TRANK1: variants seen among roughly 807,000 people sequenced by gnomAD.
TRANK1 encodes TPR and ankyrin repeat-containing protein 1.
Under a neutral mutation model 266.0 loss-of-function variants are expected in TRANK1, and 198 were observed. The observed-to-expected ratio is 0.74, with a 90% confidence interval of 0.66 to 0.84. The LOEUF (loss-of-function observed/expected upper bound fraction) is 0.84, where lower values mean the gene tolerates loss of function less well. Ranked by LOEUF, TRANK1 falls within the 40% of genes least tolerant of loss-of-function variation. The pLI is 0.00. For missense variants in TRANK1, 3,326 were observed against 3,634.6 expected, an observed-to-expected ratio of 0.92 and a Z score of 2.18; for synonymous variants, 1,396 against 1,384.1, an observed-to-expected ratio of 1.01 and a Z score of -0.19.
chr3:36,833,465 G>A lies in TRANK1; in HGVS notation c.6118C>T (p.Leu2040=). The A allele has an allele frequency of 1.2e-6, 2 of 1,613,842 alleles. No homozygotes were observed. Among genetic ancestry groups the A allele is most frequent in the Non-Finnish European group, 1.7e-6 (2 of 1,179,810 alleles). The change falls in exon 22 of 24, where the codon CTG becomes TTG. Residue 2040 remains leucine (L), a synonymous_variant. Coordinates refer to ENST00000645898, the MANE Select transcript of TRANK1 (RefSeq NM_001329998.2). ...TCCCTGAGCTTCTGAAAGTCTCTCA[G>A]GATTACCCCTTGCAGGAAGTGGGCC... ...AEAHFLQGVI[L]RDFQKLRDAF...
intron 8 of TRANK1, among the ~76,000 whole-genome samples, chr3:36,876,063 G>A (rs1343442352): frequency 6.6e-6 from 1 of 152,208 alleles, no homozygotes; most frequent in East Asian, 1.9e-4. Flanking sequence ...TTTAAGGGGG[G>A]ATAAGGAAGC....
At chr3:36,904,328 G>A (rs1376769498) in intron 2 of TRANK1, among the ~76,000 whole-genome samples, 3 of 149,340 alleles carry the variant, frequency 2.0e-5, no homozygotes, top group Non-Finnish European at 4.5e-5. Flanking sequence ...AGACCATCCT[G>A]GCCAACATGG....
At position 36,935,629 on chromosome 3, in the gene TRANK1, T is replaced by C. The variant is rs1375399681; in HGVS notation, c.23+9158A>G. On this transcript the variant is annotated intron_variant, in intron 1 of 23. Transcript: ENST00000645898. ...CCACACTCAGCTATTTTTGTATTTT[T>C]AGTAGAGATGTGGCTTCATGTTGGT... 2.0e-5 allele frequency among the ~76,000 whole-genome samples: 3 copies of C among 152,108 alleles called. No individual in the cohort carries two copies. The East Asian group carries it at 5.8e-4, about 29-fold the overall frequency.
chr3:36,833,614 G>A lies in TRANK1; in HGVS notation c.5969C>T (p.Ser1990Leu). The A allele has an allele frequency of 1.9e-6, 3 of 1,613,910 alleles. No individual in the cohort carries two copies. Among genetic ancestry groups the A allele is most frequent in the Non-Finnish European group, 2.5e-6 (3 of 1,179,854 alleles). The change falls in exon 22 of 24, where the codon TCA (serine) becomes TTA (leucine). Residue 1990 changes from serine (S) to leucine (L), a missense_variant. Physicochemically the swap from Ser to Leu is moderately radical, Grantham distance 145. Transcript: ENST00000645898. Reference sequence around the variant, plus strand: ...GAGGCGGGCGGCCCCCAGCAGACATGAGGCCTGGAAGTCCTTGTCGGCAGT... The same window carrying A: ...GAGGCGGGCGGCCCCCAGCAGACATAAGGCCTGGAAGTCCTTGTCGGCAGT... ...RLTADKDFQA[S>L]CLLGAARLNV...
chr3:36,930,387 C>A (rs1263374184), intron 1 of TRANK1, among the ~76,000 whole-genome samples: 1 of 152,158 alleles, frequency 6.6e-6, no homozygotes, highest in Non-Finnish European at 1.5e-5. Flanking sequence ...TCTTTGCAGA[C>A]TTTCCCGGTA....
At chr3:36,843,840 C>G (rs897369567) in intron 17 of TRANK1, among the ~76,000 whole-genome samples, 2 of 152,136 alleles carry the variant, frequency 1.3e-5, no homozygotes, top group African/African-American at 4.8e-5. Context: ...TGCTCGCCCT[C>G]TGCTGGTGCT....
intron 15 of TRANK1, among the ~76,000 whole-genome samples, chr3:36,847,637 A>G (rs1193074614): frequency 6.6e-6 from 1 of 152,208 alleles, no homozygotes; most frequent in East Asian, 1.9e-4. Context: ...AGTTATTCTC[A>G]TTGAAAGAAT....
At chr3:36,840,961 G>A (rs2078835757) in intron 18 of TRANK1, among the ~76,000 whole-genome samples, 1 of 152,206 alleles carries the variant, frequency 6.6e-6, no homozygotes. Flanking sequence ...CCAGATGTAA[G>A]TTATATGCTA....
rs1444199599 is a variant in TRANK1, at chr3:36,858,783, G to A, written c.1607C>T (p.Ala536Val). The stretch of plus-strand genomic sequence containing the variant: ...AGTATCACCTTCCGTGAGAGAAATA[G>A]CACGGGGGTCTGCGCCCTTGGTCAA... ...LLLTKGADPR[A>V]ISLTEGDTPL... is the part of the protein sequence containing the mutation. The change falls in exon 12 of 24, where the codon GCT becomes GTT. Residue 536 changes from alanine to valine, a missense_variant. Transcript: ENST00000645898. 39 of 1,537,092 alleles carry A rather than the reference G, an allele frequency of 2.5e-5. No individual in the cohort carries two copies. Among genetic ancestry groups the A allele is most frequent in the Non-Finnish European group, 3.3e-5 (38 of 1,146,888 alleles).
chr3:36,887,646 C>A (rs6769447), intron 8 of TRANK1, among the ~76,000 whole-genome samples: 3,532 of 152,236 alleles, frequency 0.023, 143 homozygotes, highest in African/African-American at 0.081. Context: ...CCATCGTTAG[C>A]GTTACTGTAT....
chr3:36,859,453 C>T (rs4642070), intron 11 of TRANK1, among the ~76,000 whole-genome samples: 91,809 of 151,694 alleles, frequency 0.61, 28,038 homozygotes, highest in Admixed American at 0.66. Context: ...TGGTGTGTGA[C>T]GTGCCCTCCC....
rs2078710182 is a variant in TRANK1 at position 36,832,485 on chromosome 3, C to T, written c.7098G>A (p.Glu2366=). The T allele has an allele frequency of 1.2e-6, 2 of 1,613,930 alleles. No individual in the cohort carries two copies. The highest frequency in any genetic ancestry group is 8.5e-7 in the Non-Finnish European group (1 of 1,179,898). The change falls in exon 22 of 24, where the codon GAG becomes GAA. Residue 2366 remains glutamate (E), a synonymous_variant. Coordinates refer to ENST00000645898, the MANE Select transcript of TRANK1 (RefSeq NM_001329998.2). The part of the protein sequence containing the change: ...DNYNRELKAL[E]SEKDERGRGR... ...CCCTGCCCCTTTCATCCTTTTCAGA[C>T]TCTAGAGCTTTGAGTTCCCTGTTGT...
intron 13 of TRANK1, 27 bp downstream of exon 13, chr3:36,855,146 G>T (rs759336238): frequency 1.8e-5 from 29 of 1,577,424 alleles, no homozygotes; most frequent in Non-Finnish European, 2.4e-5. Context: ...AGCACCCCCA[G>T]TAGGCAAACC....
At chr3:36,892,065 T>G (rs2079704913) in intron 7 of TRANK1, 137 bp downstream of exon 7, 2 of 1,128,870 alleles carry the variant, frequency 1.8e-6, no homozygotes, top group East Asian at 2.7e-5. Flanking sequence ...CTTCATTCAT[T>G]TGAATAATCA....
intron 10 of TRANK1, among the ~76,000 whole-genome samples, chr3:36,861,632 G>T (rs1575218688): frequency 1.3e-5 from 2 of 151,200 alleles, no homozygotes; most frequent in East Asian, 3.9e-4. Context: ...GTTTCCATCT[G>T]ATCTTTGATG....
chr3:36,830,955 G>A lies in TRANK1; in HGVS notation c.8628C>T (p.His2876=), dbSNP rs2078684544. The change falls in exon 22 of 24, where the codon CAC becomes CAT. Residue 2876 remains histidine (H), a synonymous_variant. Transcript: ENST00000645898. ...HSHVGSKEHS[H]MLQKVQEHIK... is the part of the protein sequence containing the mutation. Reference sequence around the variant, plus strand: ...TGTGCTCCTGGACCTTCTGCAGCATGTGGCTGTGCTCCTTGGAGCCCACGT... The same window carrying A: ...TGTGCTCCTGGACCTTCTGCAGCATATGGCTGTGCTCCTTGGAGCCCACGT... 1.2e-6 allele frequency: 2 copies of A among 1,613,992 alleles called. No homozygotes were observed. The highest frequency in any genetic ancestry group is 1.7e-6 in the Non-Finnish European group (2 of 1,179,888).
chr3:36,856,998 G>A lies in TRANK1; in HGVS notation c.2724C>T (p.Ser908=), dbSNP rs1374081941. The A allele has an allele frequency of 6.2e-7, 1 of 1,613,866 alleles. No homozygotes were observed. Among genetic ancestry groups the A allele is most frequent in the Admixed American group, 1.7e-5 (1 of 60,012 alleles). Residue 908 remains serine, a synonymous_variant, in exon 13 of 24, where the codon TCC becomes TCT. Coordinates refer to ENST00000645898, the MANE Select transcript of TRANK1 (RefSeq NM_001329998.2). ...RMLWELAIDF[S]PRCSENPEKI... is the part of the protein sequence containing the mutation. ...TCTCAGGGTTCTCACTGCATCGAGG[G>A]GAGAAGTCAATGGCGAGCTCCCAGA...
chr3:36,874,060 G>T, intron 9 of TRANK1, 66 bp downstream of exon 9: 2 of 1,404,056 alleles, frequency 1.4e-6, no homozygotes, highest in South Asian at 1.4e-5. Context: ...GAGATAAACT[G>T]ATTTGTATCT....
intron 13 of TRANK1, among the ~76,000 whole-genome samples, chr3:36,853,818 T>C (rs2079015066): frequency 6.6e-6 from 1 of 152,188 alleles, no homozygotes; most frequent in Non-Finnish European, 1.5e-5. Context: ...AATAGGCAGA[T>C]CCGTAGAAAC....
Sources: allele counts gnomAD v4.1 joint callset (sites outside exome capture counted in the v4.1 genomes callset), GRCh38; gene constraint gnomAD v4.1.1; transcripts MANE v1.5; gene names NCBI Gene and HGNC (gene_info 2026-07-23, HGNC 2026-07-21).